Variants in ANKRD36 observed in about 807,000 individuals in gnomAD.
The protein encoded by ANKRD36 is ankyrin repeat domain 36.
In ANKRD36, 179 loss-of-function variants were observed where a neutral mutation model predicts 278.1. The ratio of observed to expected loss-of-function variants is 0.64; its 90% confidence interval spans 0.57 to 0.73. The LOEUF (loss-of-function observed/expected upper bound fraction) is 0.73. Among genes scored for constraint, ANKRD36 ranks in the 30% least tolerant of loss-of-function variants. ANKRD36 has a pLI of 0.00. For synonymous variants in ANKRD36, 320 were observed against 641.1 expected, an observed-to-expected ratio of 0.50 and a Z score of 7.57; for missense variants, 1,159 against 1,956.7, an observed-to-expected ratio of 0.59 and a Z score of 7.69.
chr2:97,242,288 C>CAA (rs377748316), intron 69 of ANKRD36, among the ~76,000 whole-genome samples: 1 of 124,020 alleles, frequency 8.1e-6, no homozygotes, highest in Non-Finnish European at 1.8e-5. Flanking sequence ...GACTCCCTCT[C>CAA]AAAAAAAAAA....
At position 97,127,085 on chromosome 2, in the gene ANKRD36, T is replaced by G; in HGVS notation, c.750T>G (p.Tyr250Ter). The G allele has an allele frequency of 7.7e-7, 1 of 1,296,504 alleles. No homozygotes were observed. The allele number at this position is 1,296,504 out of a possible 1,614,324, so 80.3% of individuals were successfully genotyped here. Residue 250 changes from tyrosine to a stop codon, truncating the protein, a stop_gained, in exon 6 of 76, where the codon TAT (tyrosine) becomes TAG (stop). Coordinates refer to ENST00000420699, the MANE Select transcript of ANKRD36 (RefSeq NM_001354587.1). LOFTEE classifies it high-confidence loss of function. ...TGCATAGCATTTTTGATCTAATTTA[T>G]GAATACGAAAGAAAGAGATATGAAG... ...AKNRVIFDLI[Y>*]EYERKRYEDL...
intron 22 of ANKRD36, among the ~76,000 whole-genome samples, chr2:97,178,867 CATG>C (rs1349426510): frequency 6.6e-6 from 1 of 151,468 alleles, no homozygotes. Context: ...TAGAGAATAA[CATG>C]ATACTTTAAC....
intron 69 of ANKRD36, among the ~76,000 whole-genome samples, chr2:97,243,115 T>C (rs866888484): frequency 0.012 from 1,555 of 133,106 alleles, 11 homozygotes; most frequent in Admixed American, 0.053. Context: ...CTGAGCCAAA[T>C]ATGAGTGACC....
chr2:97,230,686 C>G (rs2071660140), intron 67 of ANKRD36, among the ~76,000 whole-genome samples: 2 of 152,092 alleles, frequency 1.3e-5, no homozygotes, highest in African/African-American at 4.8e-5. Context: ...TGGTGAGGAA[C>G]TGCATTCCTT....
At chr2:97,146,766 C>T (rs572568503) in intron 11 of ANKRD36, among the ~76,000 whole-genome samples, 5 of 151,706 alleles carry the variant, frequency 3.3e-5, no homozygotes, top group African/African-American at 4.8e-5. Context: ...GGTAGCCAAC[C>T]GATGATTTGA....
chr2:97,202,738 C>T (rs180973108), intron 48 of ANKRD36, among the ~76,000 whole-genome samples: 5 of 151,868 alleles, frequency 3.3e-5, no homozygotes, highest in East Asian at 1.9e-4. Context: ...ATTTTACAGA[C>T]GTCACATCGT....
chr2:97,177,113 CT>C (rs2054504393), intron 22 of ANKRD36, among the ~76,000 whole-genome samples: 1 of 151,736 alleles, frequency 6.6e-6, no homozygotes, highest in Non-Finnish European at 1.5e-5. Flanking sequence ...AGGAATCCAA[CT>C]TACAAGGGAT....
chr2:97,125,919 T>C (rs1485360452), intron 5 of ANKRD36, among the ~76,000 whole-genome samples: 1 of 151,098 alleles, frequency 6.6e-6, no homozygotes, highest in Non-Finnish European at 1.5e-5. Flanking sequence ...GCAGCACAAA[T>C]ACTAAAATTG....
chr2:97,248,384 T>C (rs2075583410), intron 72 of ANKRD36: 1 of 114,046 alleles, frequency 8.8e-6, no homozygotes, highest in Non-Finnish European at 1.5e-5. Flanking sequence ...TCCTTTGGCA[T>C]GTTTAATGGA....
Position 97,164,401 on chromosome 2 carries a change from C to T in ANKRD36, c.1463C>T (p.Thr488Met), listed in dbSNP as rs944928310. ...TATGTTGTCAAACCCATTCAGCATA[C>T]GGTGAAAGACAGAGATCACATTTCA... is the stretch of plus-strand genomic sequence containing the variant. ...SPEQPPLFTH[T>M]VKDRDHISTR... is the part of the protein sequence containing the mutation. Residue 488 changes from threonine to methionine, a missense_variant, in exon 20 of 76, where the codon ACG (threonine) becomes ATG (methionine). Coordinates refer to ENST00000420699, the MANE Select transcript of ANKRD36 (RefSeq NM_001354587.1). 4 of 1,537,552 alleles carry T rather than the reference C, an allele frequency of 2.6e-6. No homozygotes were observed. Among genetic ancestry groups the T allele is most frequent in the Admixed American group, 2.0e-5 (1 of 50,982 alleles).
intron 22 of ANKRD36, among the ~76,000 whole-genome samples, chr2:97,177,631 A>T (rs1490536511): frequency 6.6e-6 from 1 of 152,044 alleles, no homozygotes; most frequent in African/African-American, 2.4e-5. Flanking sequence ...CATATGTAGA[A>T]AGCTGAAACT....
intron 1 of ANKRD36, among the ~76,000 whole-genome samples, chr2:97,114,316 G>C (rs4079026): frequency 9.4e-6 from 1 of 105,936 alleles, no homozygotes; most frequent in Non-Finnish European, 1.9e-5. Flanking sequence ...AATGGGGTGG[G>C]GGAAAGGGGT....
Position 97,189,336 on chromosome 2 carries a change from A to T in ANKRD36, c.2245+46A>T. Reference sequence around the variant, plus strand: ...CAATGTCATGTTCAATCCAGATAGAAAAGAACTTCTCTACCCCGAATAAAT... The same window carrying T: ...CAATGTCATGTTCAATCCAGATAGATAAGAACTTCTCTACCCCGAATAAAT... On this transcript the variant is annotated intron_variant, in intron 34 of 75. Coordinates refer to ENST00000420699, the MANE Select transcript of ANKRD36 (RefSeq NM_001354587.1). 2 of 714,952 alleles carry T rather than the reference A, an allele frequency of 2.8e-6. 1 individual carries two copies. The highest frequency in any genetic ancestry group is 4.8e-6 in the Non-Finnish European group (2 of 420,322). 44.3% of individuals were successfully genotyped at this position (714,952 alleles called of 1,614,324 possible). A position where few individuals can be genotyped will look rare whatever the true frequency, so the allele number is the denominator to read the frequency against.
chr2:97,233,958 GAT>G (rs1558975206), intron 68 of ANKRD36, 87 bp downstream of exon 68: 1 of 613,740 alleles, frequency 1.6e-6, no homozygotes. Context: ...ATAGAGTACT[GAT>G]ATGTTACAAG....
At chr2:97,169,202 T>C (rs1438299817) in intron 22 of ANKRD36, among the ~76,000 whole-genome samples, 1 of 152,254 alleles carries the variant, frequency 6.6e-6, no homozygotes, top group Non-Finnish European at 1.5e-5. Context: ...ATTTCTCTAA[T>C]GATCAGTGAT....
intron 32 of ANKRD36, 148 bp downstream of exon 32, chr2:97,187,549 A>G: frequency 8.0e-7 from 1 of 1,255,428 alleles, no homozygotes; most frequent in South Asian, 1.5e-5. Context: ...CATTTGTAAT[A>G]AATTCTTGGG....
intron 38 of ANKRD36, among the ~76,000 whole-genome samples, chr2:97,194,073 T>A (rs1443334887): frequency 6.6e-6 from 1 of 151,608 alleles, no homozygotes; most frequent in Non-Finnish European, 1.5e-5. Flanking sequence ...GTGGCAAGAT[T>A]GGATGAAGAA....
Position 97,206,069 on chromosome 2 carries a change from A to G in ANKRD36, c.3097A>G (p.Ser1033Gly). The G allele has an allele frequency of 6.4e-7, 1 of 1,551,080 alleles. No individual in the cohort carries two copies. The highest frequency in any genetic ancestry group is 8.7e-7 in the Non-Finnish European group (1 of 1,149,470). Reference sequence around the variant, plus strand: ...TGTTTCAAATTCCATTCAGGCTACAAGTGATGAGGAAGATTCTGTTTTGAG... The same window carrying G: ...TGTTTCAAATTCCATTCAGGCTACAGGTGATGAGGAAGATTCTGTTTTGAG... ...SQKPPTLKAT[S>G]DEEDSVLSIA... The change falls in exon 52 of 76, where the codon AGT (serine) becomes GGT (glycine). Residue 1033 changes from serine (S) to glycine (G), a missense_variant. Physicochemically the swap from Ser to Gly is moderately conservative, Grantham distance 56. Transcript: ENST00000420699.
At chr2:97,160,008 C>T (rs368125199) in intron 17 of ANKRD36, among the ~76,000 whole-genome samples, 1 of 152,278 alleles carries the variant, frequency 6.6e-6, no homozygotes, top group South Asian at 2.1e-4. Flanking sequence ...TGGTCTCGAT[C>T]TCCTGACCTC....
Sources: gnomAD v4.1 joint callset for allele counts (sites outside exome capture counted in the v4.1 genomes callset) on GRCh38, gnomAD v4.1.1 for gene constraint, MANE v1.5 for transcripts, NCBI Gene and HGNC (gene_info 2026-07-23, HGNC 2026-07-21) for gene names.